The following MYOZ2 variants were observed in gnomAD, a reference collection of about 807,000 sequenced individuals.
The protein encoded by MYOZ2 is myozenin 2.
Under a neutral mutation model 25.4 loss-of-function variants are expected in MYOZ2, and 19 were observed. The ratio of observed to expected loss-of-function variants is 0.75; its 90% confidence interval spans 0.52 to 1.10. The LOEUF (loss-of-function observed/expected upper bound fraction) is 1.10. MYOZ2 is among the 50% of genes least tolerant of loss of function. The probability of loss-of-function intolerance (pLI) is 0.00; values close to 1 mark genes in which losing one functional copy is unlikely to be tolerated. For synonymous variants in MYOZ2, 92 were observed against 106.9 expected, an observed-to-expected ratio of 0.86 and a Z score of 0.86; for missense variants, 270 against 317.9, an observed-to-expected ratio of 0.85 and a Z score of 1.15.
intron 3 of MYOZ2, among the ~76,000 whole-genome samples, chr4:119,154,472 G>T (rs563129821): frequency 6.6e-6 from 1 of 152,078 alleles, no homozygotes; most frequent in Admixed American, 6.6e-5. Flanking sequence ...ATGATGTAGA[G>T]GTACTGGGTG....
intron 2 of MYOZ2, among the ~76,000 whole-genome samples, chr4:119,142,997 T>A (rs1269732798): frequency 6.6e-6 from 1 of 152,056 alleles, no homozygotes. Flanking sequence ...GGGAGTCCAA[T>A]ATTAAGGTGC....
At chr4:119,169,842 C>T (rs907117620) in intron 5 of MYOZ2, among the ~76,000 whole-genome samples, 2 of 152,178 alleles carry the variant, frequency 1.3e-5, no homozygotes, top group African/African-American at 4.8e-5. Flanking sequence ...TTGCTCTCAA[C>T]CAACAAAATC....
chr4:119,166,648 C>T (rs1741832124), intron 5 of MYOZ2, among the ~76,000 whole-genome samples: 2 of 152,158 alleles, frequency 1.3e-5, no homozygotes, highest in South Asian at 4.1e-4. Context: ...TCACTTTACT[C>T]TTCTTGGCAG....
intron 5 of MYOZ2, among the ~76,000 whole-genome samples, chr4:119,184,204 A>G (rs756274070): frequency 7.2e-5 from 11 of 152,178 alleles, no homozygotes; most frequent in Admixed American, 2.0e-4. Context: ...TTACCATCCT[A>G]CAATGGTTGC....
At chr4:119,180,574 A>G (rs1742166830) in intron 5 of MYOZ2, among the ~76,000 whole-genome samples, 1 of 152,032 alleles carries the variant, frequency 6.6e-6, no homozygotes, top group Non-Finnish European at 1.5e-5. Flanking sequence ...TATTTTTTTG[A>G]GATGGAATTT....
At chr4:119,142,473 G>T (rs933586879) in intron 2 of MYOZ2, among the ~76,000 whole-genome samples, 2 of 152,204 alleles carry the variant, frequency 1.3e-5, no homozygotes, top group Non-Finnish European at 2.9e-5. Context: ...CATAGTGACA[G>T]AGACTCCAAA....
chr4:119,183,809 G>A (rs1327984736), intron 5 of MYOZ2, among the ~76,000 whole-genome samples: 2 of 127,978 alleles, frequency 1.6e-5, no homozygotes, highest in African/African-American at 2.7e-5. Context: ...TCCTTCCACT[G>A]TTGTCTTTTT....
chr4:119,162,781 G>A (rs1419292944), intron 4 of MYOZ2, among the ~76,000 whole-genome samples: 3 of 152,136 alleles, frequency 2.0e-5, no homozygotes, highest in South Asian at 2.1e-4. Context: ...GATTTGTTGT[G>A]GGGATGAGGG....
chr4:119,176,498 C>T (rs920840780), intron 5 of MYOZ2, among the ~76,000 whole-genome samples: 2 of 152,178 alleles, frequency 1.3e-5, no homozygotes, highest in Non-Finnish European at 2.9e-5. Flanking sequence ...ACTGGGATTA[C>T]AGGCATGAGC....
At chr4:119,181,174 G>A (rs1742179963) in intron 5 of MYOZ2, among the ~76,000 whole-genome samples, 1 of 151,974 alleles carries the variant, frequency 6.6e-6, no homozygotes, top group Non-Finnish European at 1.5e-5. Context: ...TCCCTGTATG[G>A]CTCATTATAT....
chr4:119,142,125 G>T (rs893146665), intron 2 of MYOZ2, among the ~76,000 whole-genome samples: 6 of 152,268 alleles, frequency 3.9e-5, no homozygotes, highest in Non-Finnish European at 7.3e-5. Context: ...GGCAGCAGTA[G>T]GGATGTTTTG....
chr4:119,150,085 T>G (rs984059822), intron 2 of MYOZ2, among the ~76,000 whole-genome samples: 6 of 152,178 alleles, frequency 3.9e-5, no homozygotes, highest in Admixed American at 6.5e-5. Context: ...GTGGAAAGAT[T>G]GTATCTCTTT....
chr4:119,157,366 G>A (rs959935366), intron 3 of MYOZ2, among the ~76,000 whole-genome samples: 6 of 151,774 alleles, frequency 4.0e-5, no homozygotes, highest in African/African-American at 1.5e-4. Flanking sequence ...CTATATTATT[G>A]CCATAGAATA....
chr4:119,172,533 G>A (rs1050400191), intron 5 of MYOZ2, among the ~76,000 whole-genome samples: 1 of 152,156 alleles, frequency 6.6e-6, no homozygotes, highest in African/African-American at 2.4e-5. Context: ...CTGATCCATC[G>A]AGTACAGGGT....
chr4:119,153,721 A>G (rs1741508491), intron 3 of MYOZ2, among the ~76,000 whole-genome samples: 1 of 152,118 alleles, frequency 6.6e-6, no homozygotes, highest in Non-Finnish European at 1.5e-5. Context: ...AAATACTACC[A>G]TTTTAAAAAC....
At chr4:119,184,528 A>T (rs1171640663) in intron 5 of MYOZ2, among the ~76,000 whole-genome samples, 1 of 152,228 alleles carries the variant, frequency 6.6e-6, no homozygotes, top group Admixed American at 6.5e-5. Context: ...CTTTTTAGTA[A>T]TTCAGTTATT....
chr4:119,148,725 AT>A (rs202187477), intron 2 of MYOZ2, among the ~76,000 whole-genome samples: 1,330 of 67,100 alleles, frequency 0.02, 19 homozygotes, highest in African/African-American at 0.081. Context: ...CTCGACTGAG[AT>A]TTTTTTTTTT....
At chr4:119,159,949 G>A (rs1294774949) in intron 4 of MYOZ2, among the ~76,000 whole-genome samples, 3 of 152,100 alleles carry the variant, frequency 2.0e-5, no homozygotes, top group African/African-American at 7.2e-5. Flanking sequence ...CAAAAGTTAT[G>A]GCAGAAAAGC....
intron 2 of MYOZ2, among the ~76,000 whole-genome samples, chr4:119,148,413 G>A (rs113463119): frequency 0.023 from 3,443 of 152,060 alleles, 134 homozygotes; most frequent in African/African-American, 0.075. Context: ...TTTTTCAGCC[G>A]TGATTTCTTT....
Sources: gnomAD v4.1 joint callset for allele counts (sites outside exome capture counted in the v4.1 genomes callset) on GRCh38, gnomAD v4.1.1 for gene constraint, MANE v1.5 for transcripts, NCBI Gene and HGNC (gene_info 2026-07-23, HGNC 2026-07-21) for gene names.